The following TPR variants were observed in gnomAD, a reference collection of about 807,000 sequenced individuals.
The protein encoded by TPR is nucleoprotein TPR.
TPR carries 51 observed loss-of-function variants against 316.1 expected under a neutral mutation model. The ratio of observed to expected loss-of-function variants is 0.16; its 90% CI spans 0.13 to 0.20. The LOEUF (loss-of-function observed/expected upper bound fraction) is 0.20. Ranked by LOEUF, TPR falls within the 10% of genes least tolerant of loss-of-function variation. TPR has a pLI of 1.00. For missense variants in TPR, 2,272 were observed against 2,754.8 expected, an observed-to-expected ratio of 0.82 and a Z score of 3.92; for synonymous variants, 981 against 914.7, an observed-to-expected ratio of 1.07 and a Z score of -1.31.
Position 186,318,475 on chromosome 1 carries a change from C to T in TPR, c.6793G>A (p.Glu2265Lys), listed in dbSNP as rs761582109. 6.2e-7 allele frequency: 1 copy of T among 1,612,528 alleles called. No individual in the cohort carries two copies. The highest frequency in any genetic ancestry group is 8.5e-7 in the Non-Finnish European group (1 of 1,179,590). Reference protein sequence around the residue: ...NETATGDDGDEVFVEAESEGI... With the variant: ...NETATGDDGDKVFVEAESEGI... ...TCAGATTCTGCCTCCACAAATACTTCATCTCCATCATCACCTGTTGCTGTT... is the reference window on the plus strand; with the variant it reads ...TCAGATTCTGCCTCCACAAATACTTTATCTCCATCATCACCTGTTGCTGTT... The change falls in exon 48 of 51, where the codon GAA (glutamate) becomes AAA (lysine). Residue 2265 changes from glutamate (E) to lysine (K), a missense_variant. Glu to Lys is a moderately conservative substitution (Grantham distance 56). Transcript: ENST00000367478.
intron 31 of TPR, among the ~76,000 whole-genome samples, chr1:186,337,416 TAATG>T (rs1201940747): frequency 6.6e-6 from 1 of 152,142 alleles, no homozygotes; most frequent in Non-Finnish European, 1.5e-5. Context: ...ATTTTCATGA[TAATG>T]AATCAAGTGA....
At chr1:186,352,855 A>AC (rs1424293835) in intron 18 of TPR, among the ~76,000 whole-genome samples, 1 of 152,214 alleles carries the variant, frequency 6.6e-6, no homozygotes, top group Non-Finnish European at 1.5e-5. Flanking sequence ...CACAGGTAAA[A>AC]TGGGGGACAA....
chr1:186,312,948 G>A lies in TPR; in HGVS notation c.*1023C>T. The A allele has an allele frequency of 6.4e-7, 1 of 1,554,232 alleles. No individual in the cohort carries two copies. The highest frequency in any genetic ancestry group is 8.9e-7 in the Non-Finnish European group (1 of 1,126,444). ...GAGGTGATATCATTTGTGAAAACAT[G>A]AAGATAAAGTAAAAATGCTGGCTGC... is the stretch of plus-strand genomic sequence containing the variant. On this transcript the variant is annotated 3_prime_UTR_variant, in exon 51 of 51. Transcript: ENST00000367478.
intron 37 of TPR, 85 bp from the exon 38 acceptor site, chr1:186,332,428 TA>T (rs1658193291): frequency 7.2e-7 from 1 of 1,388,040 alleles, no homozygotes; most frequent in Admixed American, 2.0e-5. Context: ...GTCACTTAAC[TA>T]AAGGAGAACA....
At chr1:186,362,470 G>C in intron 6 of TPR, 90 bp from the exon 7 acceptor site, 1 of 953,766 alleles carries the variant, frequency 1.0e-6, no homozygotes, top group South Asian at 1.6e-5. Flanking sequence ...GAAAAGCTAA[G>C]TAACTCCCCC....
At chr1:186,314,950 T>G (rs2102045629) in intron 49 of TPR, among the ~76,000 whole-genome samples, 1 of 152,116 alleles carries the variant, frequency 6.6e-6, no homozygotes, top group Middle Eastern at 3.4e-3. Flanking sequence ...GAGGATCACT[T>G]GAGCTCAGGA....
chr1:186,330,396 C>T (rs891832020), intron 39 of TPR, among the ~76,000 whole-genome samples: 8 of 152,106 alleles, frequency 5.3e-5, no homozygotes, highest in Non-Finnish European at 1.0e-4. Flanking sequence ...AAGCTAGTTT[C>T]AACCTGCTTA....
chr1:186,352,531 C>G (rs1658894790), intron 18 of TPR, among the ~76,000 whole-genome samples: 1 of 152,152 alleles, frequency 6.6e-6, no homozygotes, highest in African/African-American at 2.4e-5. Flanking sequence ...TAAAGTTTCT[C>G]CCTCCCCTCA....
At chr1:186,327,017 T>A (rs1424302892) in intron 40 of TPR, among the ~76,000 whole-genome samples, 1 of 86,318 alleles carries the variant, frequency 1.2e-5, no homozygotes, top group African/African-American at 4.7e-5. Context: ...ATATATAATA[T>A]ATATATTATA....
At chr1:186,350,661 C>G (rs1164407469) in intron 20 of TPR, among the ~76,000 whole-genome samples, 3 of 151,964 alleles carry the variant, frequency 2.0e-5, no homozygotes, top group Non-Finnish European at 1.5e-5. Flanking sequence ...GAGGCAGAGC[C>G]CAGGAGACTC....
intron 18 of TPR, 120 bp from the exon 19 acceptor site, chr1:186,352,230 A>ATC: frequency 1.1e-6 from 1 of 873,202 alleles, no homozygotes; most frequent in Non-Finnish European, 1.6e-6. Flanking sequence ...TAGGGACTAT[A>ATC]TCTCCTCATT....
chr1:186,350,188 A>G (rs1277231869), intron 21 of TPR, 35 bp downstream of exon 21: 1 of 1,537,356 alleles, frequency 6.5e-7, no homozygotes, highest in African/African-American at 1.4e-5. Context: ...GTACTTGTTT[A>G]TTTACAATTA....
At position 186,353,691 on chromosome 1, in the gene TPR, T is replaced by C. The variant is rs865972003; in HGVS notation, c.2331A>G (p.Ala777=). The C allele has an allele frequency of 1.9e-6, 3 of 1,613,442 alleles. No homozygotes were observed. The highest frequency in any genetic ancestry group is 3.3e-4 in the Middle Eastern group (2 of 6,056). The change falls in exon 18 of 51, where the codon GCA becomes GCG. Residue 777 remains alanine (A), a synonymous_variant. Transcript: ENST00000367478. ...LRGANEKLAV[A]EVRAENLKKE... ...GGACAAGGGATATTGGACTCACTTCTGCGACAGCTAGCTTCTCATTTGCTC... is the reference window on the plus strand; with the variant it reads ...GGACAAGGGATATTGGACTCACTTCCGCGACAGCTAGCTTCTCATTTGCTC...
intron 35 of TPR, among the ~76,000 whole-genome samples, chr1:186,334,825 A>G (rs1658288983): frequency 6.6e-6 from 1 of 152,114 alleles, no homozygotes; most frequent in Non-Finnish European, 1.5e-5. Context: ...CCTAACTTAG[A>G]AACCAACTGT....
chr1:186,331,604 A>T, intron 38 of TPR, 23 bp from the exon 39 acceptor site: 1 of 1,530,362 alleles, frequency 6.5e-7, no homozygotes, highest in Non-Finnish European at 9.0e-7. Context: ...ACACTAATAT[A>T]TTAACCATAT....
intron 32 of TPR, 81 bp from the exon 33 acceptor site, chr1:186,336,775 C>G: frequency 6.9e-7 from 1 of 1,445,920 alleles, no homozygotes; most frequent in South Asian, 1.3e-5. Flanking sequence ...TAAAGTATAA[C>G]TTATTAATTT....
Position 186,367,922 on chromosome 1 carries a change from T to G in TPR, c.391A>C (p.Asn131His). Residue 131 changes from asparagine (N) to histidine (H), a missense_variant, in exon 4 of 51, where the codon AAT (asparagine) becomes CAT (histidine). Coordinates refer to ENST00000367478, the MANE Select transcript of TPR (RefSeq NM_003292.3). ...EAEKRDLIRT[N>H]ERLSQELEYL... ...TCAAGTTCTTGAGATAGTCTCTCATTGGTTCTAATTAAGTCTCTTTTCTCA... is the reference window on the plus strand; with the variant it reads ...TCAAGTTCTTGAGATAGTCTCTCATGGGTTCTAATTAAGTCTCTTTTCTCA... The G allele has an allele frequency of 6.2e-7, 1 of 1,611,576 alleles. No homozygotes were observed. Among genetic ancestry groups the G allele is most frequent in the Non-Finnish European group, 8.5e-7 (1 of 1,179,488 alleles).
chr1:186,333,962 T>C (rs979494733), intron 36 of TPR, among the ~76,000 whole-genome samples: 1 of 152,154 alleles, frequency 6.6e-6, no homozygotes, highest in Non-Finnish European at 1.5e-5. Flanking sequence ...GAGCTCAATG[T>C]AGTGGAGTAA....
At chr1:186,373,590 A>G (rs937506244) in intron 1 of TPR, 127 bp from the exon 2 acceptor site, 13 of 522,726 alleles carry the variant, frequency 2.5e-5, no homozygotes, top group African/African-American at 2.3e-4. Flanking sequence ...TGTGCTCCAC[A>G]TAAGAGAATC....
Sources: allele counts gnomAD v4.1 joint callset (sites outside exome capture counted in the v4.1 genomes callset), GRCh38; gene constraint gnomAD v4.1.1; transcripts MANE v1.5; gene names NCBI Gene and HGNC (gene_info 2026-07-23, HGNC 2026-07-21).